Variants in CSMD1 observed in about 807,000 individuals in gnomAD.
The protein encoded by CSMD1 is CUB and Sushi multiple domains 1.
Under a neutral mutation model 417.5 loss-of-function variants are expected in CSMD1, and 213 were observed. The observed-to-expected ratio is 0.51, with a 90% CI of 0.46 to 0.57. The LOEUF (loss-of-function observed/expected upper bound fraction) is 0.57, where lower values mean the gene tolerates loss of function less well. CSMD1 is among the 20% of genes least tolerant of loss of function. The probability of loss-of-function intolerance (pLI) is 0.00; values close to 1 mark genes in which losing one functional copy is unlikely to be tolerated. For missense variants in CSMD1, 6,923 were observed against 4,529.7 expected (o/e 1.53, Z -15.17); for synonymous variants, 2,862 against 1,736.8 (o/e 1.65, Z -16.11).
intron 2 of CSMD1, among the ~76,000 whole-genome samples, chr8:4,608,611 T>C (rs1252835342): frequency 5.3e-5 from 8 of 152,202 alleles, no homozygotes; most frequent in African/African-American, 1.9e-4. Flanking sequence ...TACAAATGCG[T>C]CATTTTCGCT....
rs1585281122 is a variant in CSMD1 at position 4,580,727 on chromosome 8, A to G, written c.302+56615T>C. 2.0e-5 allele frequency among the ~76,000 whole-genome samples: 3 copies of G among 152,286 alleles called. No homozygotes were observed. In the South Asian group the frequency reaches 6.2e-4, roughly 32 times the overall value. Reference sequence around the variant, plus strand: ...ACACCAGGAAGCCCTTCCTGATTAAATCACCCCAAATCAATCTCTCTCCCT... The same window carrying G: ...ACACCAGGAAGCCCTTCCTGATTAAGTCACCCCAAATCAATCTCTCTCCCT... On this transcript the variant is annotated intron_variant, in intron 2 of 69. Transcript: ENST00000635120.
intron 15 of CSMD1, among the ~76,000 whole-genome samples, chr8:3,401,513 T>G (rs1812036860): frequency 6.6e-6 from 1 of 152,082 alleles, no homozygotes; most frequent in Non-Finnish European, 1.5e-5. Context: ...AATAATGATC[T>G]CAGTAAGTAG....
chr8:4,316,468 G>A (rs1335098184), intron 3 of CSMD1, among the ~76,000 whole-genome samples: 1 of 152,108 alleles, frequency 6.6e-6, no homozygotes, highest in Non-Finnish European at 1.5e-5. Flanking sequence ...TACTTTCGAT[G>A]CTGAAAACCT....
chr8:3,271,705 T>C (rs980055984), intron 26 of CSMD1, among the ~76,000 whole-genome samples: 34 of 152,310 alleles, frequency 2.2e-4, no homozygotes, highest in South Asian at 1.0e-3. Flanking sequence ...TTTTCATGTG[T>C]TTTTTGGCTG....
chr8:4,169,977 T>C (rs1255272694), intron 3 of CSMD1, among the ~76,000 whole-genome samples: 2 of 151,302 alleles, frequency 1.3e-5, no homozygotes, highest in African/African-American at 2.5e-5. Context: ...ACTGTATCCT[T>C]TGTGCATAGA....
At chr8:3,179,915 C>G (rs978660192) in intron 37 of CSMD1, among the ~76,000 whole-genome samples, 7 of 152,060 alleles carry the variant, frequency 4.6e-5, no homozygotes, top group African/African-American at 1.4e-4. Context: ...AAAATTTAAC[C>G]AGAATGTGAA....
chr8:4,199,302 T>C (rs1434229873), intron 3 of CSMD1, among the ~76,000 whole-genome samples: 1 of 152,170 alleles, frequency 6.6e-6, no homozygotes, highest in East Asian at 1.9e-4. Context: ...AGGCAGTGTA[T>C]GGGTGCTTTT....
intron 2 of CSMD1, among the ~76,000 whole-genome samples, chr8:4,425,642 T>C (rs1018327513): frequency 1.3e-5 from 2 of 151,898 alleles, no homozygotes; most frequent in Non-Finnish European, 2.9e-5. Flanking sequence ...ATACATTTTA[T>C]TCTTGTCTGC....
chr8:4,593,823 A>G (rs1245649682), intron 2 of CSMD1, among the ~76,000 whole-genome samples: 1 of 152,216 alleles, frequency 6.6e-6, no homozygotes, highest in East Asian at 1.9e-4. Flanking sequence ...AAGCTTCTAG[A>G]GAATGGAGCA....
At chr8:3,557,472 G>A (rs977325642) in intron 10 of CSMD1, among the ~76,000 whole-genome samples, 2 of 152,114 alleles carry the variant, frequency 1.3e-5, no homozygotes, top group Non-Finnish European at 2.9e-5. Context: ...AGGCTTCCTT[G>A]AAAAGATAAT....
At chr8:3,872,444 C>A (rs889435252) in intron 5 of CSMD1, among the ~76,000 whole-genome samples, 6 of 152,116 alleles carry the variant, frequency 3.9e-5, no homozygotes, top group African/African-American at 1.4e-4. Context: ...TTATCCGAAG[C>A]CCACTGTGCA....
chr8:4,850,380 ATCTT>A (rs1385445609), intron 1 of CSMD1, among the ~76,000 whole-genome samples: 4 of 82,770 alleles, frequency 4.8e-5, no homozygotes, highest in Non-Finnish European at 9.4e-5. Flanking sequence ...AATCCAATTT[ATCTT>A]TTTTTTTTTT....
chr8:3,270,774 C>T lies in CSMD1; in HGVS notation c.4153+13370G>A, dbSNP rs147547588. Among the ~76,000 whole-genome samples the T allele has an allele frequency of 3.7e-4, 57 of 152,252 alleles. 1 individual carries two copies. In the East Asian group the frequency reaches 9.9e-3, roughly 26 times the overall value. ...TTTGCTATTTGTATTAGTCTGTTTT[C>T]ATGCTGCTGATAAAGACATACCCAA... On this transcript the variant is annotated intron_variant, in intron 26 of 69. Coordinates refer to ENST00000635120, the MANE Select transcript of CSMD1 (RefSeq NM_033225.6).
At chr8:3,132,794 C>T (rs1179174086) in intron 41 of CSMD1, among the ~76,000 whole-genome samples, 1 of 152,134 alleles carries the variant, frequency 6.6e-6, no homozygotes, top group Admixed American at 6.5e-5. Flanking sequence ...CTGGAGAAGC[C>T]CAAGCTCTTA....
chr8:2,936,816 C>A lies in CSMD1; in HGVS notation c.*1769G>T, dbSNP rs1166009149. 6.6e-6 allele frequency: 1 copy of A among 152,192 alleles called. No homozygotes were observed. The highest frequency in any genetic ancestry group is 1.5e-5 in the Non-Finnish European group (1 of 68,040). 9.4% of individuals were successfully genotyped at this position (152,192 alleles called of 1,614,324 possible). A position where few individuals can be genotyped will look rare whatever the true frequency, so the allele number is the denominator to read the frequency against. ...TTTCCTGACTGCTTTTCCTTTTCCA[C>A]ATTTGAAGTCCTACATGGAAACCTT... On this transcript the variant is annotated 3_prime_UTR_variant, in exon 70 of 70. Transcript: ENST00000635120.
At chr8:4,129,470 G>A (rs564856126) in intron 3 of CSMD1, among the ~76,000 whole-genome samples, 4 of 152,114 alleles carry the variant, frequency 2.6e-5, no homozygotes, top group African/African-American at 7.2e-5. Context: ...TAAAAATTGT[G>A]AAGTTTTGTA....
chr8:3,190,930 C>A (rs917495630), intron 33 of CSMD1, among the ~76,000 whole-genome samples: 8 of 152,096 alleles, frequency 5.3e-5, no homozygotes, highest in Non-Finnish European at 1.2e-4. Context: ...ACTCATAGAA[C>A]CAGAGAGATT....
chr8:4,439,929 T>C (rs1425061891), intron 2 of CSMD1, among the ~76,000 whole-genome samples: 5 of 152,140 alleles, frequency 3.3e-5, no homozygotes, highest in Non-Finnish European at 7.4e-5. Context: ...GGAGTAATAA[T>C]ATATGTTTAC....
chr8:3,484,854 G>A (rs1817934829), intron 11 of CSMD1, among the ~76,000 whole-genome samples: 1 of 152,170 alleles, frequency 6.6e-6, no homozygotes, highest in Non-Finnish European at 1.5e-5. Context: ...TCAGGAAAAT[G>A]CAAATTTAAA....
Sources: gnomAD v4.1 joint callset for allele counts (sites outside exome capture counted in the v4.1 genomes callset) on GRCh38, gnomAD v4.1.1 for gene constraint, MANE v1.5 for transcripts, NCBI Gene and HGNC (gene_info 2026-07-23, HGNC 2026-07-21) for gene names.